Variants in ZRANB3 observed in about 807,000 individuals in gnomAD.
ZRANB3 encodes DNA annealing helicase and endonuclease ZRANB3.
A neutral mutation model predicts 133.8 loss-of-function variants in ZRANB3; 125 were observed. That is an observed-to-expected ratio of 0.93 (90% CI 0.81 to 1.08). The LOEUF (loss-of-function observed/expected upper bound fraction) is 1.08, where lower values mean the gene tolerates loss of function less well. Among genes scored for constraint, ZRANB3 ranks in the 50% least tolerant of loss-of-function variants. The probability of loss-of-function intolerance (pLI) is 0.00; values close to 1 mark genes in which losing one functional copy is unlikely to be tolerated. For missense variants in ZRANB3, 1,229 were observed against 1,275.5 expected (o/e 0.96, Z 0.56); for synonymous variants, 387 against 432.7 (o/e 0.89, Z 1.31).
intron 8 of ZRANB3, among the ~76,000 whole-genome samples, chr2:135,306,779 A>G (rs1410224751): frequency 6.6e-6 from 1 of 151,924 alleles, no homozygotes; most frequent in African/African-American, 2.4e-5. Context: ...TGGTAGAGAC[A>G]GGGTTTTGCC....
intron 2 of ZRANB3, among the ~76,000 whole-genome samples, chr2:135,463,342 T>C (rs1340481025): frequency 6.6e-6 from 1 of 152,138 alleles, no homozygotes; most frequent in East Asian, 1.9e-4. Flanking sequence ...AACAATGTTT[T>C]GGAAGGATGG....
At chr2:135,271,661 G>A in intron 10 of ZRANB3, 107 bp downstream of exon 10, 1 of 1,246,232 alleles carries the variant, frequency 8.0e-7, no homozygotes, top group Non-Finnish European at 1.1e-6. Flanking sequence ...ATTATACAAG[G>A]CATCCAGATA....
chr2:135,400,051 C>T (rs1687666990), intron 2 of ZRANB3, among the ~76,000 whole-genome samples: 1 of 151,974 alleles, frequency 6.6e-6, no homozygotes, highest in Non-Finnish European at 1.5e-5. Context: ...ACCAGCCTGG[C>T]CAACATGGTG....
At chr2:135,297,307 CT>C (rs1334423620) in intron 8 of ZRANB3, among the ~76,000 whole-genome samples, 1 of 152,226 alleles carries the variant, frequency 6.6e-6, no homozygotes, top group Non-Finnish European at 1.5e-5. Context: ...TCGCTGCCAC[CT>C]TGCAGTTTGA....
rs555639954 is a variant in ZRANB3 at position 135,391,428 on chromosome 2, C to T, written c.162-608G>A. ...GTAAGTGATTGTACCAATGACCACC[C>T]TCCTCATCCTTAAACCTTAAGATTG... On this transcript the variant is annotated intron_variant, in intron 2 of 20. Coordinates refer to ENST00000264159, the MANE Select transcript of ZRANB3 (RefSeq NM_032143.4). 3.9e-5 allele frequency among the ~76,000 whole-genome samples: 6 copies of T among 152,244 alleles called. No individual in the cohort carries two copies. In the East Asian group the frequency reaches 1.2e-3, roughly 29 times the overall value.
chr2:135,507,348 G>C (rs1693235241), intron 1 of ZRANB3, among the ~76,000 whole-genome samples: 2 of 152,168 alleles, frequency 1.3e-5, no homozygotes, highest in Admixed American at 1.3e-4. Flanking sequence ...TATAGGGAGA[G>C]ATAGAGAATG....
At chr2:135,400,071 C>T (rs560185621) in intron 2 of ZRANB3, among the ~76,000 whole-genome samples, 2 of 152,070 alleles carry the variant, frequency 1.3e-5, no homozygotes, top group South Asian at 4.2e-4. Flanking sequence ...GAAAACCCAT[C>T]TCTACTGAGA....
At chr2:135,418,925 CTTTTTTTTTTTTT>C (rs769271961) in intron 2 of ZRANB3, among the ~76,000 whole-genome samples, 51 of 85,898 alleles carry the variant, frequency 5.9e-4, no homozygotes, top group South Asian at 2.7e-3. Context: ...AGGATTCTCT[CTTTTTTTTTTTTT>C]TTTTTTTTTT....
chr2:135,452,136 C>G (rs1019052409), intron 2 of ZRANB3, among the ~76,000 whole-genome samples: 1 of 152,124 alleles, frequency 6.6e-6, no homozygotes, highest in Non-Finnish European at 1.5e-5. Flanking sequence ...GCACTTCTTA[C>G]ATGGCAGAGG....
At chr2:135,511,124 A>G (rs1387472278) in intron 1 of ZRANB3, 2 of 769,884 alleles carry the variant, frequency 2.6e-6, no homozygotes, top group African/African-American at 1.7e-5. Flanking sequence ...CTTTACCAAC[A>G]TAAGGAGGTA....
chr2:135,508,143 T>G (rs997809308), intron 1 of ZRANB3, among the ~76,000 whole-genome samples: 2 of 151,954 alleles, frequency 1.3e-5, no homozygotes, highest in East Asian at 1.9e-4. Context: ...TTGTTTTTTG[T>G]TTTTTTTCTT....
At chr2:135,263,735 A>G (rs1316886330) in intron 12 of ZRANB3, among the ~76,000 whole-genome samples, 3 of 152,088 alleles carry the variant, frequency 2.0e-5, no homozygotes, top group Admixed American at 6.5e-5. Context: ...GTAAAGGATT[A>G]TAACACATTA....
Position 135,353,539 on chromosome 2 carries a change from C to T in ZRANB3, c.270G>A (p.Leu90=). 1 of 1,611,052 alleles carries T rather than the reference C, an allele frequency of 6.2e-7. No individual in the cohort carries two copies. The highest frequency in any genetic ancestry group is 8.5e-7 in the Non-Finnish European group (1 of 1,178,102). Residue 90 remains leucine (L), a synonymous_variant, in exon 4 of 21, where the codon CTG becomes CTA. Coordinates refer to ENST00000264159, the MANE Select transcript of ZRANB3 (RefSeq NM_032143.4). ...CAATTTCTTCTGTCCAAGGGTACCT[C>T]AGAGACGAAGGGACCACTATTAACA... is the stretch of plus-strand genomic sequence containing the variant. ...WPLLIVVPSS[L]RYPWTEEIEK...
chr2:135,198,833 A>T lies in ZRANB3; in HGVS notation c.*1509T>A, dbSNP rs1278385509. 6.6e-6 allele frequency: 1 copy of T among 152,240 alleles called. No homozygotes were observed. The highest frequency in any genetic ancestry group is 1.5e-5 in the Non-Finnish European group (1 of 68,034). The allele number at this position is 152,240 out of a possible 1,614,324, so 9.4% of individuals were successfully genotyped here. A position where few individuals can be genotyped will look rare whatever the true frequency, so the allele number is the denominator to read the frequency against. On this transcript the variant is annotated 3_prime_UTR_variant, in exon 21 of 21. Coordinates refer to ENST00000264159, the MANE Select transcript of ZRANB3 (RefSeq NM_032143.4). The stretch of plus-strand genomic sequence containing the variant: ...CATACAATGAAATAGAAACTGAGGA[A>T]CAACTGTGGTTGTATAATCTTTGAT...
intron 6 of ZRANB3, among the ~76,000 whole-genome samples, chr2:135,332,594 C>T (rs2104849037): frequency 6.6e-6 from 1 of 152,150 alleles, no homozygotes; most frequent in Non-Finnish European, 1.5e-5. Context: ...TTCTAGTTCC[C>T]TCTTAGTTCC....
chr2:135,319,984 CAA>C, intron 6 of ZRANB3, among the ~76,000 whole-genome samples: 1 of 152,238 alleles, frequency 6.6e-6, no homozygotes, highest in Admixed American at 6.5e-5. Flanking sequence ...TGAAAAGTGC[CAA>C]AACTCCCTCC....
At chr2:135,327,905 A>G (rs530800282) in intron 6 of ZRANB3, among the ~76,000 whole-genome samples, 1 of 152,296 alleles carries the variant, frequency 6.6e-6, no homozygotes, top group East Asian at 1.9e-4. Flanking sequence ...GTATTGTGAT[A>G]AAGACATATT....
intron 9 of ZRANB3, among the ~76,000 whole-genome samples, chr2:135,273,526 C>T (rs970585079): frequency 2.6e-5 from 4 of 151,968 alleles, no homozygotes; most frequent in African/African-American, 9.7e-5. Context: ...CCTCCAACCC[C>T]ATGAATATCT....
rs2043757 is a variant in ZRANB3, at chr2:135,390,831, A to T, written c.162-11T>A. 175,651 of 1,502,056 alleles carry T rather than the reference A, an allele frequency of 0.12. 14,787 individuals carry two copies. Among genetic ancestry groups the T allele is most frequent in the African/African-American group, 0.44 (28,289 of 64,888 alleles). 93.0% of individuals were successfully genotyped at this position (1,502,056 alleles called of 1,614,324 possible). On this transcript the variant is annotated splice_polypyrimidine_tract_variant and intron_variant, in intron 2 of 20. Coordinates refer to ENST00000264159, the MANE Select transcript of ZRANB3 (RefSeq NM_032143.4). The stretch of plus-strand genomic sequence containing the variant: ...TCAGCCACCATACACCTGGAAAAAA[A>T]AAAAAAAAAAAATTAATTATCAGAG...
Sources: allele counts gnomAD v4.1 joint callset (sites outside exome capture counted in the v4.1 genomes callset), GRCh38; gene constraint gnomAD v4.1.1; transcripts MANE v1.5; gene names NCBI Gene and HGNC (gene_info 2026-07-23, HGNC 2026-07-21).